ADAMTSL1: variants seen among roughly 807,000 people sequenced by gnomAD.
The protein encoded by ADAMTSL1 is ADAMTS like 1, also known as ADAMTS-like protein 1.
Under a neutral mutation model 201.8 loss-of-function variants are expected in ADAMTSL1, and 126 were observed. The ratio of observed to expected loss-of-function variants is 0.62; its 90% CI spans 0.54 to 0.72. The LOEUF (loss-of-function observed/expected upper bound fraction) is 0.72, where lower values mean the gene tolerates loss of function less well. Among genes scored for constraint, ADAMTSL1 ranks in the 30% least tolerant of loss-of-function variants. The pLI, the probability that ADAMTSL1 is intolerant of heterozygous loss-of-function variation, is 0.00. For synonymous variants in ADAMTSL1, 1,121 were observed against 903.4 expected (o/e 1.24, Z -4.32); for missense variants, 2,679 against 2,277.8 (o/e 1.18, Z -3.59).
At chr9:17,976,272 G>T (rs1818443681) in intron 1 of ADAMTSL1, among the ~76,000 whole-genome samples, 1 of 151,844 alleles carries the variant, frequency 6.6e-6, no homozygotes, top group South Asian at 2.1e-4. Flanking sequence ...AAGCCAGTGA[G>T]ATTTTGATAG....
chr9:18,391,886 A>C (rs998611310), intron 2 of ADAMTSL1, among the ~76,000 whole-genome samples: 14 of 136,268 alleles, frequency 1.0e-4, no homozygotes, highest in Non-Finnish European at 1.5e-5. Context: ...GTGCAGTGGC[A>C]TGATCTTGGC....
chr9:17,907,350 C>T (rs965031331), intron 1 of ADAMTSL1, among the ~76,000 whole-genome samples: 1 of 152,184 alleles, frequency 6.6e-6, no homozygotes, highest in South Asian at 2.1e-4. Context: ...TGCTGGGACA[C>T]TCCTCCACAC....
chr9:18,717,210 A>C (rs1833003565), intron 14 of ADAMTSL1, among the ~76,000 whole-genome samples: 1 of 147,946 alleles, frequency 6.8e-6, no homozygotes, highest in Admixed American at 6.9e-5. Flanking sequence ...CATTGTGCAC[A>C]TGTACCCTAA....
At chr9:18,543,160 A>G (rs1820254699) in intron 3 of ADAMTSL1, among the ~76,000 whole-genome samples, 1 of 152,328 alleles carries the variant, frequency 6.6e-6, no homozygotes, top group South Asian at 2.1e-4. Flanking sequence ...AGTATCCACC[A>G]AAAGAAGTCT....
intron 2 of ADAMTSL1, among the ~76,000 whole-genome samples, chr9:18,175,292 G>GAGT (rs1426484968): frequency 6.6e-6 from 1 of 152,166 alleles, no homozygotes; most frequent in Non-Finnish European, 1.5e-5. Flanking sequence ...TAAATTCTTA[G>GAGT]AGTTCTTCCT....
chr9:18,251,772 A>G (rs1178194937), intron 2 of ADAMTSL1, among the ~76,000 whole-genome samples: 2 of 152,234 alleles, frequency 1.3e-5, no homozygotes, highest in East Asian at 3.8e-4. Context: ...GGGCACAGAG[A>G]AAGATATTGG....
chr9:18,146,563 A>G (rs1415830055), intron 1 of ADAMTSL1, among the ~76,000 whole-genome samples: 1 of 152,202 alleles, frequency 6.6e-6, no homozygotes, highest in African/African-American at 2.4e-5. Context: ...GGGAGGGAAC[A>G]GGGTTGAATA....
chr9:18,498,456 C>A (rs1822648678), intron 1 of ADAMTSL1, among the ~76,000 whole-genome samples: 1 of 151,782 alleles, frequency 6.6e-6, no homozygotes, highest in African/African-American at 2.4e-5. Flanking sequence ...TGTGTCCCAG[C>A]CTCCCAAGTA....
At chr9:17,912,692 T>G (rs79203704) in intron 1 of ADAMTSL1, among the ~76,000 whole-genome samples, 4,274 of 57,178 alleles carry the variant, frequency 0.075, 835 homozygotes, top group African/African-American at 0.12. Flanking sequence ...TTAGTTTAAT[T>G]AGATCCCATT....
chr9:18,277,725 A>T (rs770715361), intron 2 of ADAMTSL1, among the ~76,000 whole-genome samples: 16 of 152,184 alleles, frequency 1.1e-4, no homozygotes, highest in Admixed American at 2.0e-4. Flanking sequence ...CAGTCCTTTC[A>T]GTCATCCTAT....
chr9:18,651,173 A>G (rs574883201), intron 7 of ADAMTSL1: 5 of 152,214 alleles, frequency 3.3e-5, no homozygotes, highest in Admixed American at 1.3e-4. Context: ...TGGGGGTGAC[A>G]TCTGTCAGTA....
At chr9:18,374,880 C>T (rs776393720) in intron 2 of ADAMTSL1, among the ~76,000 whole-genome samples, 3 of 152,236 alleles carry the variant, frequency 2.0e-5, no homozygotes, top group Non-Finnish European at 2.9e-5. Context: ...AGATGTTCAA[C>T]TGCTGGGGGA....
chr9:18,302,843 A>T (rs1005831755), intron 2 of ADAMTSL1, among the ~76,000 whole-genome samples: 1 of 152,208 alleles, frequency 6.6e-6, no homozygotes, highest in African/African-American at 2.4e-5. Context: ...TAACTTTAAA[A>T]TGTTACCGAA....
At chr9:18,265,917 A>C (rs187736162) in intron 2 of ADAMTSL1, among the ~76,000 whole-genome samples, 76 of 152,360 alleles carry the variant, frequency 5.0e-4, no homozygotes, top group Non-Finnish European at 9.4e-4. Context: ...CAATATTGTG[A>C]AAGTTAGACC....
chr9:18,609,909 A>G (rs975569528), intron 4 of ADAMTSL1, among the ~76,000 whole-genome samples: 1 of 152,228 alleles, frequency 6.6e-6, no homozygotes, highest in Non-Finnish European at 1.5e-5. Flanking sequence ...GTTGGATTAT[A>G]TAACTCACAA....
chr9:18,712,453 C>T (rs1285335937), intron 14 of ADAMTSL1, among the ~76,000 whole-genome samples: 3 of 151,690 alleles, frequency 2.0e-5, no homozygotes, highest in Non-Finnish European at 4.4e-5. Context: ...GTGAAGAATG[C>T]AGAAGCCTCA....
At chr9:17,984,131 C>A (rs1306173873) in intron 1 of ADAMTSL1, among the ~76,000 whole-genome samples, 1 of 151,974 alleles carries the variant, frequency 6.6e-6, no homozygotes, top group Non-Finnish European at 1.5e-5. Context: ...TCAAGAATAC[C>A]AAAAACTTAC....
Position 18,329,911 on chromosome 9 carries a change from T to A in ADAMTSL1, c.207+165930T>A, listed in dbSNP as rs189947195. On this transcript the variant is annotated intron_variant, in intron 2 of 29. Transcript: ENST00000680146. ...TCTCAGGCCATGATTTCTTGGAGTT[T>A]ACAGTTTAGTGGTGTCAGTATATAA... 1.5e-4 allele frequency among the ~76,000 whole-genome samples: 23 copies of A among 152,342 alleles called. No homozygotes were observed. The East Asian group carries it at 4.0e-3, about 27-fold the overall frequency.
chr9:18,810,851 T>C (rs1823456395), intron 20 of ADAMTSL1, among the ~76,000 whole-genome samples: 1 of 151,998 alleles, frequency 6.6e-6, no homozygotes, highest in Non-Finnish European at 1.5e-5. Flanking sequence ...CTGTACATTA[T>C]ATATAAAACA....
Sources: gnomAD v4.1 joint callset for allele counts (sites outside exome capture counted in the v4.1 genomes callset) on GRCh38, gnomAD v4.1.1 for gene constraint, MANE v1.5 for transcripts, NCBI Gene and HGNC (gene_info 2026-07-23, HGNC 2026-07-21) for gene names.